Variants in MACROD2 observed in about 807,000 individuals in gnomAD.
The protein encoded by MACROD2 is ADP-ribose glycohydrolase MACROD2.
In MACROD2, 36 loss-of-function variants were observed where a neutral mutation model predicts 70.4. That is an observed-to-expected ratio of 0.51 (90% CI 0.39 to 0.68). The LOEUF is 0.68. MACROD2 is among the 30% of genes least tolerant of loss of function. MACROD2 has a pLI of 0.00. For synonymous variants in MACROD2, 172 were observed against 178.8 expected (o/e 0.96, Z 0.30); for missense variants, 496 against 538.4 (o/e 0.92, Z 0.78).
At chr20:15,930,810 A>G (rs1052762234) in intron 10 of MACROD2, among the ~76,000 whole-genome samples, 1 of 152,208 alleles carries the variant, frequency 6.6e-6, no homozygotes, top group African/African-American at 2.4e-5. Context: ...GGTTGTTACT[A>G]TTAGAAAGCT....
At chr20:15,205,188 T>G (rs1279114294) in intron 5 of MACROD2, among the ~76,000 whole-genome samples, 2 of 152,146 alleles carry the variant, frequency 1.3e-5, no homozygotes, top group South Asian at 4.1e-4. Context: ...CCAGATGGTA[T>G]GTGGCAAAGC....
intron 5 of MACROD2, among the ~76,000 whole-genome samples, chr20:14,908,485 T>C (rs1382490255): frequency 1.3e-5 from 2 of 152,094 alleles, no homozygotes; most frequent in Admixed American, 6.5e-5. Context: ...CAATTCCCTG[T>C]CTCTATTAAA....
chr20:15,026,616 C>T (rs569596543), intron 5 of MACROD2, among the ~76,000 whole-genome samples: 19 of 151,884 alleles, frequency 1.3e-4, no homozygotes, highest in Non-Finnish European at 2.1e-4. Context: ...GATCAATTGC[C>T]TGCATCAAAA....
At chr20:14,565,927 T>G (rs1033745498) in intron 4 of MACROD2, among the ~76,000 whole-genome samples, 1 of 151,948 alleles carries the variant, frequency 6.6e-6, no homozygotes, top group Non-Finnish European at 1.5e-5. Context: ...ATTTTCTTAT[T>G]GTTGGAAGAT....
chr20:15,064,527 C>A (rs1037730372), intron 5 of MACROD2, among the ~76,000 whole-genome samples: 1 of 152,180 alleles, frequency 6.6e-6, no homozygotes, highest in African/African-American at 2.4e-5. Flanking sequence ...TAATGGGTTT[C>A]ATTCTTTTGT....
At chr20:15,400,084 A>AG (rs2045910027) in intron 6 of MACROD2, among the ~76,000 whole-genome samples, 1 of 152,164 alleles carries the variant, frequency 6.6e-6, no homozygotes, top group Non-Finnish European at 1.5e-5. Flanking sequence ...GAAGTTGAAA[A>AG]GAAAGACGGT....
chr20:14,952,411 A>G (rs1283673001), intron 5 of MACROD2, among the ~76,000 whole-genome samples: 1 of 152,188 alleles, frequency 6.6e-6, no homozygotes, highest in African/African-American at 2.4e-5. Context: ...GCTGAGAACG[A>G]GGTCTTGAAT....
chr20:15,931,962 G>A (rs868479462), intron 10 of MACROD2, among the ~76,000 whole-genome samples: 5 of 152,060 alleles, frequency 3.3e-5, no homozygotes, highest in Admixed American at 1.3e-4. Flanking sequence ...CTCTTGCCTC[G>A]GAATTAAGAG....
intron 8 of MACROD2, among the ~76,000 whole-genome samples, chr20:15,655,408 C>T (rs1279534346): frequency 6.7e-6 from 1 of 150,372 alleles, no homozygotes; most frequent in South Asian, 2.1e-4. Flanking sequence ...AAGATAGAGA[C>T]AGCTGGAAGT....
In MACROD2 at chr20:14,386,141, C is replaced by T. The variant is rs530053285; in HGVS notation, c.272-107338C>T. Among the ~76,000 whole-genome samples the T allele has an allele frequency of 5.9e-5, 9 of 152,156 alleles. No homozygotes were observed. In the South Asian group the frequency reaches 1.9e-3, roughly 32 times the overall value. On this transcript the variant is annotated intron_variant, in intron 3 of 17. Transcript: ENST00000684519. ...GTATACTGTTTTTATCTTCATTTAC[C>T]AAATGAGGACATGAAGACAATAAAG...
chr20:15,156,822 A>G (rs1156960420), intron 5 of MACROD2, among the ~76,000 whole-genome samples: 2 of 152,216 alleles, frequency 1.3e-5, no homozygotes, highest in African/African-American at 2.4e-5. Flanking sequence ...ATTTGACTCA[A>G]TAGAAATACC....
At chr20:14,271,462 A>G (rs1382335495) in intron 3 of MACROD2, among the ~76,000 whole-genome samples, 3 of 152,228 alleles carry the variant, frequency 2.0e-5, no homozygotes, top group African/African-American at 7.2e-5. Flanking sequence ...ACTAACAAAC[A>G]GAAAGGACAT....
intron 15 of MACROD2, among the ~76,000 whole-genome samples, chr20:16,028,680 C>T (rs1216549501): frequency 6.6e-6 from 1 of 152,106 alleles, no homozygotes; most frequent in Non-Finnish European, 1.5e-5. Flanking sequence ...AAAACAGGCA[C>T]AGGCACATTT....
chr20:14,982,441 CT>C (rs1555859859), intron 5 of MACROD2, among the ~76,000 whole-genome samples: 1 of 152,078 alleles, frequency 6.6e-6, no homozygotes, highest in Non-Finnish European at 1.5e-5. Context: ...TGTCAGAGAC[CT>C]TTGTGGCAGT....
chr20:15,285,886 TG>T (rs573180024), intron 6 of MACROD2, among the ~76,000 whole-genome samples: 1 of 150,600 alleles, frequency 6.6e-6, no homozygotes, highest in Admixed American at 6.6e-5. Flanking sequence ...TTCCATTTTT[TG>T]GGGGGGTTGC....
At chr20:14,689,048 TC>T (rs141508442) in intron 5 of MACROD2, among the ~76,000 whole-genome samples, 11,035 of 152,272 alleles carry the variant, frequency 0.072, 475 homozygotes, top group East Asian at 0.15. Flanking sequence ...CTTCTCTACA[TC>T]ATCTCCTTCT....
intron 5 of MACROD2, among the ~76,000 whole-genome samples, chr20:14,741,146 A>G (rs1022183866): frequency 1.3e-5 from 2 of 152,160 alleles, no homozygotes; most frequent in African/African-American, 4.8e-5. Context: ...ATGTTTATTA[A>G]TTTTCAAGTG....
At chr20:14,467,389 G>A (rs1007195391) in intron 3 of MACROD2, among the ~76,000 whole-genome samples, 5 of 152,116 alleles carry the variant, frequency 3.3e-5, no homozygotes, top group African/African-American at 7.2e-5. Context: ...TTGGAAAAGC[G>A]CAGTATTAAG....
At chr20:15,689,550 G>A (rs972787831) in intron 8 of MACROD2, among the ~76,000 whole-genome samples, 1 of 152,156 alleles carries the variant, frequency 6.6e-6, no homozygotes, top group Non-Finnish European at 1.5e-5. Context: ...GAAGGATTTA[G>A]CCCTATGAAA....
Sources: gnomAD v4.1 joint callset for allele counts (sites outside exome capture counted in the v4.1 genomes callset) on GRCh38, gnomAD v4.1.1 for gene constraint, MANE v1.5 for transcripts, NCBI Gene and HGNC (gene_info 2026-07-23, HGNC 2026-07-21) for gene names.